CLNK: variants seen among roughly 807,000 people sequenced by gnomAD.
CLNK encodes the protein cytokine-dependent hematopoietic cell linker.
CLNK carries 74 observed loss-of-function variants against 68.6 expected under a neutral mutation model. That is an observed-to-expected ratio of 1.08 (90% confidence interval 0.89 to 1.31). The LOEUF is 1.31. Ranked by LOEUF, CLNK falls within the 50% of genes most tolerant of loss-of-function variation. CLNK has a pLI of 0.00. For synonymous variants in CLNK, 198 were observed against 172.2 expected, an observed-to-expected ratio of 1.15 and a Z score of -1.17; for missense variants, 553 against 515.3, an observed-to-expected ratio of 1.07 and a Z score of -0.71.
rs553110031 is a variant in CLNK, at chr4:10,615,278, G to A, written c.12-17229C>T. ...GCAGATCACCTGAGGCCAGGAGTTC[G>A]AAACCAGCCAGGCCAACATGGCAAA... On this transcript the variant is annotated intron_variant, in intron 2 of 18. Transcript: ENST00000226951. 2.6e-4 allele frequency among the ~76,000 whole-genome samples: 40 copies of A among 152,244 alleles called. No homozygotes were observed. In the South Asian group the frequency reaches 3.5e-3, roughly 13 times the overall value.
intron 4 of CLNK, among the ~76,000 whole-genome samples, chr4:10,576,593 T>C (rs1230193706): frequency 6.6e-6 from 1 of 152,224 alleles, no homozygotes; most frequent in Non-Finnish European, 1.5e-5. Flanking sequence ...TGAACAGCTC[T>C]TCTCGTGTCT....
chr4:10,690,830 G>A, the CLNK span, among the ~76,000 whole-genome samples: 2 of 152,226 alleles, frequency 1.3e-5, no homozygotes, highest in African/African-American at 2.4e-5. Flanking sequence ...GCACCATAAG[G>A]GCTCTCAGAA....
In CLNK at chr4:10,538,483, G is replaced by A. The variant is rs6825344; in HGVS notation, c.602+2011C>T. Among the ~76,000 whole-genome samples, 452 of 152,274 alleles carry A rather than the reference G, an allele frequency of 3.0e-3. 3 individuals carry two copies. The highest frequency in any genetic ancestry group is 0.01 in the African/African-American group (433 of 41,554). Reference sequence around the variant, plus strand: ...TTCTTACTTCTCTGAGGTTTGATCAGTCCTTTACGTATTAGACTATTTGGC... The same window carrying A: ...TTCTTACTTCTCTGAGGTTTGATCAATCCTTTACGTATTAGACTATTTGGC... On this transcript the variant is annotated intron_variant, in intron 11 of 18. Transcript: ENST00000226951.
At chr4:10,497,839 A>G (rs1330146767) in intron 18 of CLNK, among the ~76,000 whole-genome samples, 2 of 152,250 alleles carry the variant, frequency 1.3e-5, no homozygotes, top group Non-Finnish European at 2.9e-5. Flanking sequence ...AAGGCACACC[A>G]TGTCCACGTC....
chr4:10,728,819 T>C, the CLNK span, among the ~76,000 whole-genome samples: 1 of 152,040 alleles, frequency 6.6e-6, no homozygotes, highest in African/African-American at 2.4e-5. Context: ...CAGGATGGTC[T>C]TGATCTCCTG....
chr4:10,729,789 C>T, the CLNK span, among the ~76,000 whole-genome samples: 2 of 152,162 alleles, frequency 1.3e-5, no homozygotes, highest in African/African-American at 4.8e-5. Flanking sequence ...GTATAATTAC[C>T]TGCCCATTAA....
At chr4:10,606,409 C>A (rs1721794038) in intron 2 of CLNK, among the ~76,000 whole-genome samples, 1 of 151,948 alleles carries the variant, frequency 6.6e-6, no homozygotes. Context: ...AAGAACCTGC[C>A]TGAGGTTGTT....
At chr4:10,517,055 TA>T (rs1717868333) in intron 15 of CLNK, among the ~76,000 whole-genome samples, 1 of 152,174 alleles carries the variant, frequency 6.6e-6, no homozygotes, top group African/African-American at 2.4e-5. Flanking sequence ...ATTTTATAAA[TA>T]AAAGTTTAAC....
Position 10,537,637 on chromosome 4 carries a change from C to CCCTTTCTTTCTTTCTT in CLNK, c.602+2856_602+2857insAAGAAAGAAAGAAAGG, listed in dbSNP as rs1553848137. 3.9e-3 allele frequency among the ~76,000 whole-genome samples: 300 copies of CCCTTTCTTTCTTTCTT among 76,232 alleles called. 29 individuals carry two copies. Among genetic ancestry groups the CCCTTTCTTTCTTTCTT allele is most frequent in the Middle Eastern group, 5.6e-3 (1 of 178 alleles). 50.0% of individuals were successfully genotyped at this position (76,232 alleles called of 152,430 possible). A position where few individuals can be genotyped will look rare whatever the true frequency, so the allele number is the denominator to read the frequency against. On this transcript the variant is annotated intron_variant, in intron 11 of 18. Coordinates refer to ENST00000226951, the MANE Select transcript of CLNK (RefSeq NM_052964.4). ...TCTCTCTCTCTTTCTTTCTTTCTTT[C>CCCTTTCTTTCTTTCTT]TCTTTCTTTCTTTCTTTCTTTCTTT...
chr4:10,701,316 A>G, the CLNK span, among the ~76,000 whole-genome samples: 8 of 152,202 alleles, frequency 5.3e-5, no homozygotes, highest in Non-Finnish European at 1.0e-4. Context: ...TCTCTTAGCC[A>G]GTGTGGTTGA....
intron 1 of CLNK, among the ~76,000 whole-genome samples, chr4:10,672,704 A>G (rs1724698128): frequency 6.6e-6 from 1 of 152,202 alleles, no homozygotes; most frequent in Non-Finnish European, 1.5e-5. Flanking sequence ...GTTTGATTCA[A>G]TTGTTTTAGG....
At chr4:10,732,361 G>A in the CLNK span, among the ~76,000 whole-genome samples, 1 of 152,314 alleles carries the variant, frequency 6.6e-6, no homozygotes, top group Non-Finnish European at 1.5e-5. Context: ...AGGCCCTGTG[G>A]TGAGAGAGAG....
At chr4:10,582,100 A>G (rs567467384) in intron 4 of CLNK, among the ~76,000 whole-genome samples, 1 of 152,218 alleles carries the variant, frequency 6.6e-6, no homozygotes, top group Non-Finnish European at 1.5e-5. Context: ...GAGTTTACCA[A>G]TCTTGGGATG....
chr4:10,647,655 T>C (rs1264063035), intron 2 of CLNK, among the ~76,000 whole-genome samples: 1 of 152,134 alleles, frequency 6.6e-6, no homozygotes, highest in Non-Finnish European at 1.5e-5. Context: ...AAGTACTCTA[T>C]ATTAAGTAAC....
At chr4:10,657,206 C>T (rs1724022519) in intron 2 of CLNK, among the ~76,000 whole-genome samples, 1 of 152,120 alleles carries the variant, frequency 6.6e-6, no homozygotes, top group South Asian at 2.1e-4. Flanking sequence ...TAACATGATT[C>T]TTTTGGCAGG....
intron 2 of CLNK, among the ~76,000 whole-genome samples, chr4:10,604,154 T>C (rs1229104218): frequency 6.6e-6 from 1 of 152,152 alleles, no homozygotes; most frequent in Non-Finnish European, 1.5e-5. Context: ...TGCATGTTCG[T>C]GATTATATTT....
intron 11 of CLNK, 35 bp from the exon 12 acceptor site, chr4:10,532,318 A>C: frequency 6.4e-7 from 1 of 1,568,606 alleles, no homozygotes; most frequent in Non-Finnish European, 8.8e-7. Context: ...TACATAAAAC[A>C]CAGTTCATAA....
chr4:10,511,089 C>T (rs375146420), intron 16 of CLNK, among the ~76,000 whole-genome samples: 1 of 151,644 alleles, frequency 6.6e-6, no homozygotes. Flanking sequence ...GGAGGTGGGG[C>T]GGGGGTTGCA....
the CLNK span, among the ~76,000 whole-genome samples, chr4:10,717,480 C>T: frequency 6.6e-6 from 1 of 152,304 alleles, no homozygotes; most frequent in African/African-American, 2.4e-5. Context: ...CCTGTAATTC[C>T]AGCTCCTCGG....
Sources: allele counts gnomAD v4.1 joint callset (sites outside exome capture counted in the v4.1 genomes callset), GRCh38; gene constraint gnomAD v4.1.1; transcripts MANE v1.5; gene names NCBI Gene and HGNC (gene_info 2026-07-23, HGNC 2026-07-21).